Variants in RBFOX1 observed in about 807,000 individuals in gnomAD.
RBFOX1 encodes RNA binding fox-1 homolog 1, also known as RNA binding protein fox-1 homolog 1.
Under a neutral mutation model 57.7 loss-of-function variants are expected in RBFOX1, and 8 were observed. The observed-to-expected ratio is 0.14, with a 90% CI of 0.08 to 0.25. The LOEUF (loss-of-function observed/expected upper bound fraction) is 0.25, where lower values mean the gene tolerates loss of function less well. RBFOX1 is among the 10% of genes least tolerant of loss of function. The probability of loss-of-function intolerance (pLI) is 1.00; values close to 1 mark genes in which losing one functional copy is unlikely to be tolerated. For missense variants in RBFOX1, 611 were observed against 548.5 expected (o/e 1.11, Z -1.14); for synonymous variants, 326 against 222.4 (o/e 1.47, Z -4.15).
At chr16:7,004,855 C>G (rs1329298779) in intron 3 of RBFOX1, among the ~76,000 whole-genome samples, 1 of 152,062 alleles carries the variant, frequency 6.6e-6, no homozygotes, top group Non-Finnish European at 1.5e-5. Context: ...CAGGTTGAAT[C>G]CTTGAGCAAA....
At chr16:5,639,133 T>C (rs778219360) in intron 3 of RBFOX1, among the ~76,000 whole-genome samples, 1 of 152,216 alleles carries the variant, frequency 6.6e-6, no homozygotes, top group Non-Finnish European at 1.5e-5. Context: ...TTTGCTCTGA[T>C]CCTGCGGTAC....
intron 4 of RBFOX1, among the ~76,000 whole-genome samples, chr16:7,143,233 C>A (rs190543606): frequency 6.6e-6 from 1 of 151,734 alleles, no homozygotes; most frequent in Non-Finnish European, 1.5e-5. Context: ...GTGTTTTGAT[C>A]AGGGAAAATT....
chr16:6,453,291 T>A (rs142579710), intron 2 of RBFOX1, among the ~76,000 whole-genome samples: 1 of 152,216 alleles, frequency 6.6e-6, no homozygotes, highest in East Asian at 1.9e-4. Flanking sequence ...GGCCCCGGTG[T>A]GTGATGTTCC....
chr16:7,274,441 A>G (rs2095401359), intron 4 of RBFOX1, among the ~76,000 whole-genome samples: 1 of 152,118 alleles, frequency 6.6e-6, no homozygotes, highest in Non-Finnish European at 1.5e-5. Flanking sequence ...ACACATACAC[A>G]ACTTTATGCA....
intron 1 of RBFOX1, among the ~76,000 whole-genome samples, chr16:5,321,326 G>GT (rs796487413): frequency 0.13 from 2,715 of 20,422 alleles, 73 homozygotes; most frequent in African/African-American, 0.17. Context: ...GATAACTTTT[G>GT]TTTTTTTTTT....
At chr16:6,812,460 A>C (rs910100792) in intron 3 of RBFOX1, among the ~76,000 whole-genome samples, 3 of 151,842 alleles carry the variant, frequency 2.0e-5, no homozygotes, top group African/African-American at 7.3e-5. Context: ...TGCAACCTCC[A>C]CCTCTAGGGT....
intron 1 of RBFOX1, among the ~76,000 whole-genome samples, chr16:5,269,125 C>G (rs1178326674): frequency 1.3e-5 from 2 of 152,230 alleles, no homozygotes; most frequent in Non-Finnish European, 2.9e-5. Flanking sequence ...CCATGTTGGC[C>G]AGGCTGGTCT....
intron 2 of RBFOX1, among the ~76,000 whole-genome samples, chr16:5,504,622 C>T (rs1011911777): frequency 3.4e-4 from 52 of 152,220 alleles, no homozygotes; most frequent in African/African-American, 1.2e-3. Context: ...AGCAAGTAAA[C>T]CAGGCACAAG....
intron 3 of RBFOX1, among the ~76,000 whole-genome samples, chr16:5,778,900 C>T (rs4589556): frequency 0.24 from 36,882 of 151,994 alleles, 5,268 homozygotes; most frequent in East Asian, 0.55. Flanking sequence ...AAAAGTAAAA[C>T]GAAATACATG....
intron 2 of RBFOX1, among the ~76,000 whole-genome samples, chr16:6,514,021 C>G (rs1567514285): frequency 6.6e-6 from 1 of 152,168 alleles, no homozygotes; most frequent in Non-Finnish European, 1.5e-5. Flanking sequence ...GTCCACCTTA[C>G]AGAGAATCAA....
At chr16:6,051,163 C>T (rs904650673) in intron 1 of RBFOX1, among the ~76,000 whole-genome samples, 2 of 151,198 alleles carry the variant, frequency 1.3e-5, no homozygotes, top group African/African-American at 2.4e-5. Flanking sequence ...TCTAATAGTT[C>T]CTAAGGGTAT....
intron 4 of RBFOX1, among the ~76,000 whole-genome samples, chr16:7,464,420 G>A (rs905876169): frequency 6.6e-6 from 1 of 151,960 alleles, no homozygotes; most frequent in Admixed American, 6.6e-5. Context: ...ATCGGCCACT[G>A]GAGGATGGTG....
chr16:6,549,154 AG>A (rs544239848), intron 2 of RBFOX1, among the ~76,000 whole-genome samples: 30 of 2,508 alleles, frequency 0.012, 2 homozygotes, highest in South Asian at 0.077. Flanking sequence ...GGGAAGGAGG[AG>A]GGGGGGGGAA....
intron 4 of RBFOX1, among the ~76,000 whole-genome samples, chr16:7,355,698 G>C (rs2097202850): frequency 6.6e-6 from 1 of 152,156 alleles, no homozygotes; most frequent in Non-Finnish European, 1.5e-5. Context: ...TGATTTATTT[G>C]CCCTTCAGCA....
At position 7,154,670 on chromosome 16, in the gene RBFOX1, C is replaced by T. The variant is rs2076730277; in HGVS notation, c.27+102572C>T. Among the ~76,000 whole-genome samples, 4 of 148,620 alleles carry T rather than the reference C, an allele frequency of 2.7e-5. No individual in the cohort carries two copies. The South Asian group carries it at 8.5e-4, about 32-fold the overall frequency. On this transcript the variant is annotated intron_variant, in intron 4 of 15. Coordinates refer to ENST00000550418, the MANE Select transcript of RBFOX1 (RefSeq NM_018723.4). The stretch of plus-strand genomic sequence containing the variant: ...GCATAAAACTTAGTTTGGGAAATGG[C>T]TAGACCCTCTTCCTTTGTGTGTGTG...
intron 4 of RBFOX1, among the ~76,000 whole-genome samples, chr16:7,091,765 A>T (rs1185325179): frequency 6.6e-6 from 1 of 152,158 alleles, no homozygotes; most frequent in African/African-American, 2.4e-5. Flanking sequence ...CTGAATGCTA[A>T]AGCTTTTTCT....
chr16:5,360,691 G>A (rs552539710), intron 1 of RBFOX1, among the ~76,000 whole-genome samples: 2 of 152,354 alleles, frequency 1.3e-5, no homozygotes, highest in African/African-American at 2.4e-5. Context: ...TTGTAAGGAC[G>A]TAGGGAAACT....
chr16:7,518,630 C>T (rs1266746278), intron 5 of RBFOX1, among the ~76,000 whole-genome samples: 1 of 152,162 alleles, frequency 6.6e-6, no homozygotes, highest in African/African-American at 2.4e-5. Context: ...GCACATTTAT[C>T]AATTTTCTAT....
chr16:6,132,975 A>G (rs534798091), intron 1 of RBFOX1, among the ~76,000 whole-genome samples: 8 of 104,752 alleles, frequency 7.6e-5, no homozygotes, highest in African/African-American at 5.2e-4. Context: ...AAAAAAAAAA[A>G]AAAGAAAAGA....
Sources: allele counts gnomAD v4.1 joint callset (sites outside exome capture counted in the v4.1 genomes callset), GRCh38; gene constraint gnomAD v4.1.1; transcripts MANE v1.5; gene names NCBI Gene and HGNC (gene_info 2026-07-23, HGNC 2026-07-21).